The following GRID2 variants were observed in gnomAD, a reference collection of about 807,000 sequenced individuals.
GRID2 encodes glutamate ionotropic receptor delta type subunit 2.
Under a neutral mutation model 114.8 loss-of-function variants are expected in GRID2, and 33 were observed. The ratio of observed to expected loss-of-function variants is 0.29; its 90% confidence interval spans 0.22 to 0.38. GRID2 has a LOEUF of 0.38. GRID2 is among the 10% of genes least tolerant of loss of function. The pLI is 1.00. For synonymous variants in GRID2, 505 were observed against 449.9 expected (o/e 1.12, Z -1.55); for missense variants, 1,184 against 1,257.7 (o/e 0.94, Z 0.89).
chr4:93,562,977 C>G (rs1030513808), intron 13 of GRID2, among the ~76,000 whole-genome samples: 1 of 151,860 alleles, frequency 6.6e-6, no homozygotes, highest in African/African-American at 2.4e-5. Context: ...CCTATGGTAG[C>G]TTTATTGTAA....
chr4:93,439,965 G>A (rs1048023127), intron 10 of GRID2, among the ~76,000 whole-genome samples: 1 of 151,886 alleles, frequency 6.6e-6, no homozygotes, highest in Non-Finnish European at 1.5e-5. Flanking sequence ...AACTTAGGGT[G>A]GCAAGAACAC....
intron 13 of GRID2, among the ~76,000 whole-genome samples, chr4:93,606,148 T>C (rs1740213345): frequency 6.6e-6 from 1 of 152,026 alleles, no homozygotes; most frequent in African/African-American, 2.4e-5. Context: ...GTGCCTATAG[T>C]CCCAGCTACT....
chr4:93,378,407 GGT>G (rs1763565177), intron 8 of GRID2, among the ~76,000 whole-genome samples: 1 of 152,008 alleles, frequency 6.6e-6, no homozygotes, highest in Non-Finnish European at 1.5e-5. Flanking sequence ...TATAAGGAAA[GGT>G]GCATATCTGT....
chr4:92,612,874 A>G (rs555140009), intron 2 of GRID2, among the ~76,000 whole-genome samples: 3 of 151,596 alleles, frequency 2.0e-5, no homozygotes, highest in African/African-American at 7.2e-5. Flanking sequence ...GCAAATAAAT[A>G]CATTTACAGT....
chr4:93,482,637 C>A (rs1725989657), intron 11 of GRID2, among the ~76,000 whole-genome samples: 1 of 151,888 alleles, frequency 6.6e-6, no homozygotes, highest in East Asian at 1.9e-4. Context: ...ACCACCATAG[C>A]ACATGTATAC....
At chr4:93,102,531 G>T (rs1215199875) in intron 3 of GRID2, among the ~76,000 whole-genome samples, 2 of 151,894 alleles carry the variant, frequency 1.3e-5, no homozygotes, top group African/African-American at 2.4e-5. Flanking sequence ...TTTCAAAGTA[G>T]AGTCAGTACT....
At chr4:93,661,006 T>C (rs2149737156) in intron 14 of GRID2, among the ~76,000 whole-genome samples, 1 of 152,208 alleles carries the variant, frequency 6.6e-6, no homozygotes, top group South Asian at 2.1e-4. Flanking sequence ...TGAAGAAAGG[T>C]ACTACTATCT....
intron 13 of GRID2, among the ~76,000 whole-genome samples, chr4:93,562,201 T>G (rs1734992063): frequency 6.6e-6 from 1 of 152,070 alleles, no homozygotes; most frequent in South Asian, 2.1e-4. Flanking sequence ...TCAGAGTTTT[T>G]TTTTTTATTT....
chr4:93,282,498 G>A, intron 8 of GRID2: 1 of 297,566 alleles, frequency 3.4e-6, no homozygotes, highest in South Asian at 3.0e-5. Context: ...TGAGATAAGG[G>A]TCAAACTCAT....
chr4:93,057,860 G>A (rs546182779), intron 2 of GRID2, among the ~76,000 whole-genome samples: 14 of 152,026 alleles, frequency 9.2e-5, no homozygotes, highest in African/African-American at 2.2e-4. Flanking sequence ...AGGCAATTCC[G>A]TCAAAGTTTC....
intron 1 of GRID2, among the ~76,000 whole-genome samples, chr4:92,500,374 AG>A: frequency 6.6e-6 from 1 of 152,022 alleles, no homozygotes; most frequent in South Asian, 2.1e-4. Flanking sequence ...TATCTACAAA[AG>A]TTAAATTCTT....
chr4:92,500,041 T>C (rs936636233), intron 1 of GRID2, among the ~76,000 whole-genome samples: 17 of 152,234 alleles, frequency 1.1e-4, no homozygotes, highest in African/African-American at 4.1e-4. Flanking sequence ...CTTATTATTG[T>C]GGTTGAAAAG....
intron 8 of GRID2, among the ~76,000 whole-genome samples, chr4:93,240,910 T>C (rs1348193738): frequency 6.6e-6 from 1 of 151,698 alleles, no homozygotes; most frequent in Non-Finnish European, 1.5e-5. Context: ...AGTTATTGAA[T>C]GTTTCTGTCA....
chr4:93,720,539 A>C (rs1729274289), intron 14 of GRID2, among the ~76,000 whole-genome samples: 1 of 152,220 alleles, frequency 6.6e-6, no homozygotes, highest in Admixed American at 6.6e-5. Context: ...GGCATTTTCT[A>C]TACACCAGGT....
intron 2 of GRID2, among the ~76,000 whole-genome samples, chr4:93,020,643 C>A (rs1658225170): frequency 6.6e-6 from 1 of 152,120 alleles, no homozygotes; most frequent in Admixed American, 6.6e-5. Context: ...GGCATTCAGT[C>A]TTTCATATTC....
chr4:93,752,452 G>T (rs962082207), intron 14 of GRID2, among the ~76,000 whole-genome samples: 1 of 151,998 alleles, frequency 6.6e-6, no homozygotes, highest in Admixed American at 6.6e-5. Context: ...CTCACTGCAA[G>T]CTCCGCCTCC....
chr4:93,218,855 A>T (rs1001574682), intron 6 of GRID2, among the ~76,000 whole-genome samples: 3 of 152,150 alleles, frequency 2.0e-5, no homozygotes, highest in Non-Finnish European at 4.4e-5. Context: ...CCTTCCTCAC[A>T]TCGCAGCAGG....
At chr4:93,359,618 G>A (rs534778859) in intron 8 of GRID2, among the ~76,000 whole-genome samples, 6 of 150,794 alleles carry the variant, frequency 4.0e-5, no homozygotes, top group Non-Finnish European at 5.9e-5. Context: ...GTGACTATAA[G>A]TTCAATTGTT....
At chr4:92,520,809 G>GTC (rs1724731998) in intron 1 of GRID2, among the ~76,000 whole-genome samples, 1 of 151,874 alleles carries the variant, frequency 6.6e-6, no homozygotes, top group African/African-American at 2.4e-5. Flanking sequence ...GCATCATTGT[G>GTC]TCTCAATCAA....
Sources: allele counts gnomAD v4.1 joint callset (sites outside exome capture counted in the v4.1 genomes callset), GRCh38; gene constraint gnomAD v4.1.1; transcripts MANE v1.5; gene names NCBI Gene and HGNC (gene_info 2026-07-23, HGNC 2026-07-21).